The following SORL1 variants were observed in gnomAD, a reference collection of about 807,000 sequenced individuals.
SORL1 encodes sortilin-related receptor.
Under a neutral mutation model 273.7 loss-of-function variants are expected in SORL1, and 127 were observed. The observed-to-expected ratio is 0.46, with a 90% CI of 0.40 to 0.54. The LOEUF (loss-of-function observed/expected upper bound fraction) is 0.54, where lower values mean the gene tolerates loss of function less well. SORL1 is among the 20% of genes least tolerant of loss of function. The pLI, the probability that SORL1 is intolerant of heterozygous loss-of-function variation, is 0.00. For synonymous variants in SORL1, 1,031 were observed against 1,067.4 expected, an observed-to-expected ratio of 0.97 and a Z score of 0.66; for missense variants, 2,494 against 2,846.1, an observed-to-expected ratio of 0.88 and a Z score of 2.81.
At chr11:121,533,390 C>T (rs1006232436) in intron 12 of SORL1, among the ~76,000 whole-genome samples, 2 of 152,106 alleles carry the variant, frequency 1.3e-5, no homozygotes, top group Non-Finnish European at 2.9e-5. Context: ...TTGGGTTTTT[C>T]GATTGCGTCC....
rs550154439 is a variant in SORL1 at position 121,479,658 on chromosome 11, C to T, written c.528+1415C>T. 3.9e-5 allele frequency among the ~76,000 whole-genome samples: 6 copies of T among 152,186 alleles called. No individual in the cohort carries two copies. In the South Asian group the frequency reaches 1.2e-3, roughly 32 times the overall value. ...CAGGGAGATCCTGGGGAAGGGACCA[C>T]GCCATGGGAAGTGTTGTGGGGTAGG... is the stretch of plus-strand genomic sequence containing the variant. On this transcript the variant is annotated intron_variant, in intron 3 of 47. Coordinates refer to ENST00000260197, the MANE Select transcript of SORL1 (RefSeq NM_003105.6).
chr11:121,463,655 C>A (rs543271606), intron 1 of SORL1, among the ~76,000 whole-genome samples: 13 of 152,318 alleles, frequency 8.5e-5, no homozygotes, highest in African/African-American at 2.9e-4. Context: ...GGAAAATGGG[C>A]AGCCTGAATT....
In SORL1 at chr11:121,514,174, C is replaced by T; in HGVS notation, c.1064C>T (p.Ser355Phe). Residue 355 changes from serine to phenylalanine, a missense_variant, in exon 8 of 48, where the codon TCC becomes TTC. Coordinates refer to ENST00000260197, the MANE Select transcript of SORL1 (RefSeq NM_003105.6). ...PINEYYIADA[S>F]EDQVFVCVSH... ...AAGGAATATTACATCGCAGATGCCT[C>T]CGAGGACCAGGTGTTTGTGTGTGTC... 1 of 1,613,790 alleles carries T rather than the reference C, an allele frequency of 6.2e-7. No individual in the cohort carries two copies. The highest frequency in any genetic ancestry group is 2.2e-5 in the East Asian group (1 of 44,886).
chr11:121,576,940 T>G (rs1418109257), intron 24 of SORL1: 14 of 1,533,564 alleles, frequency 9.1e-6, no homozygotes, highest in South Asian at 1.2e-5. Context: ...TGGCCTCCTC[T>G]ATCACTGCTT....
chr11:121,612,981 A>T, intron 40 of SORL1, 149 bp downstream of exon 40: 1 of 612,464 alleles, frequency 1.6e-6, no homozygotes, highest in Non-Finnish European at 3.0e-6. Flanking sequence ...TGCATTGAGG[A>T]TCCTATAAGT....
At chr11:121,463,438 C>T (rs1455894703) in intron 1 of SORL1, among the ~76,000 whole-genome samples, 1 of 152,092 alleles carries the variant, frequency 6.6e-6, no homozygotes. Context: ...GATAGGTTCT[C>T]GCTGCCAAGG....
Position 121,455,475 on chromosome 11 carries a change from T to C in SORL1, c.285+2859T>C, listed in dbSNP as rs1860887418. Among the ~76,000 whole-genome samples, 3 of 152,328 alleles carry C rather than the reference T, an allele frequency of 2.0e-5. No homozygotes were observed. In the South Asian group the frequency reaches 6.2e-4, roughly 32 times the overall value. ...AGGGAGAAGAGAAGGGAAGGCTTTC[T>C]AGGGGAATACTTGCATCTGAGAAAG... On this transcript the variant is annotated intron_variant, in intron 1 of 47. Transcript: ENST00000260197.
intron 1 of SORL1, among the ~76,000 whole-genome samples, chr11:121,463,081 T>C (rs2134771684): frequency 6.6e-6 from 1 of 152,258 alleles, no homozygotes; most frequent in Middle Eastern, 3.4e-3. Flanking sequence ...GTGCGCTCTC[T>C]TGAGGGGGTA....
intron 22 of SORL1, among the ~76,000 whole-genome samples, chr11:121,569,187 T>G (rs1023831893): frequency 1.3e-5 from 2 of 152,212 alleles, no homozygotes; most frequent in African/African-American, 4.8e-5. Flanking sequence ...TTTAATCTCT[T>G]AATCCCGTCA....
intron 38 of SORL1, chr11:121,609,465 A>G (rs926913172): frequency 5.9e-5 from 9 of 152,240 alleles, no homozygotes; most frequent in Non-Finnish European, 1.3e-4. Context: ...TGGAAGAGCA[A>G]CCAAATACAT....
Position 121,614,933 on chromosome 11 carries a change from G to GATAGCCCTCTGGCATTTGAGC in SORL1, c.5485_5505dup (p.Ser1829_His1835dup), listed in dbSNP as rs779587140. On this transcript the variant is annotated inframe_insertion, in exon 41 of 48. Coordinates refer to ENST00000260197, the MANE Select transcript of SORL1 (RefSeq NM_003105.6). ...TGCCTGGGCCAAGACTGACTTGGGGGATAGCCCTCTGGCATTTGAGCATGT... is the reference window on the plus strand; with the variant it reads ...TGCCTGGGCCAAGACTGACTTGGGGGATAGCCCTCTGGCATTTGAGCATAGCCCTCTGGCATTTGAGCATGT... 1 of 1,613,398 alleles carries GATAGCCCTCTGGCATTTGAGC rather than the reference G, an allele frequency of 6.2e-7. No individual in the cohort carries two copies. The highest frequency in any genetic ancestry group is 1.1e-5 in the South Asian group (1 of 90,904).
chr11:121,625,178 AT>A lies in SORL1; in HGVS notation c.6266del (p.Met2089ArgfsTer58). 1 of 1,613,886 alleles carries A rather than the reference AT, an allele frequency of 6.2e-7. No homozygotes were observed. Among genetic ancestry groups the A allele is most frequent in the Non-Finnish European group, 8.5e-7 (1 of 1,179,808 alleles). Reference protein sequence around the residue: ...DNFFKISNLKMGHNYTFTVQA... With the variant: ...DNFFKISNLKXGHNYTFTVQA... ...TTTCTTTAAAATTTCCAACCTGAAG[AT>A]GGGTCATAATTACACGTTCACCGTC... is the stretch of plus-strand genomic sequence containing the variant. On this transcript the variant is annotated frameshift_variant, in exon 46 of 48. Transcript: ENST00000260197. LOFTEE classifies it high-confidence loss of function.
chr11:121,517,474 A>C (rs1861972496), intron 8 of SORL1, among the ~76,000 whole-genome samples: 1 of 152,246 alleles, frequency 6.6e-6, no homozygotes, highest in South Asian at 2.1e-4. Flanking sequence ...AAAATAATGA[A>C]TCACTATCCC....
chr11:121,464,832 G>T (rs1302772635), intron 1 of SORL1, among the ~76,000 whole-genome samples: 1 of 152,152 alleles, frequency 6.6e-6, no homozygotes, highest in East Asian at 1.9e-4. Context: ...TGAAGGATTG[G>T]TTTGGCCAGA....
chr11:121,500,072 T>C (rs1861689459), intron 6 of SORL1, among the ~76,000 whole-genome samples: 1 of 152,240 alleles, frequency 6.6e-6, no homozygotes, highest in Admixed American at 6.5e-5. Context: ...TTTTTATTCC[T>C]TGCTTTTTGA....
intron 11 of SORL1, among the ~76,000 whole-genome samples, chr11:121,526,270 C>G (rs1219154708): frequency 6.6e-6 from 1 of 151,934 alleles, no homozygotes; most frequent in African/African-American, 2.4e-5. Context: ...CATATATGGG[C>G]CAATTTTAGG....
chr11:121,594,115 ATT>A lies in SORL1; in HGVS notation c.4370-1496_4370-1495del, dbSNP rs11361113. Among the ~76,000 whole-genome samples, 449 of 146,950 alleles carry A rather than the reference ATT, an allele frequency of 3.1e-3. 1 individual carries two copies. The highest frequency in any genetic ancestry group is 0.016 in the South Asian group (76 of 4,682). ...AAATCCAAAAGCCATTTTGATTCTG[ATT>A]TTTTTTTTTTTGTATGTAACCTGTT... On this transcript the variant is annotated intron_variant, in intron 31 of 47. Transcript: ENST00000260197.
chr11:121,531,293 T>C (rs59206197), intron 11 of SORL1, among the ~76,000 whole-genome samples: 4,397 of 152,028 alleles, frequency 0.029, 216 homozygotes, highest in African/African-American at 0.1. Flanking sequence ...ACTTGGGAGG[T>C]TGAAGCAGGA....
intron 8 of SORL1, among the ~76,000 whole-genome samples, chr11:121,518,922 A>G (rs1861992641): frequency 6.7e-6 from 1 of 149,902 alleles, no homozygotes; most frequent in African/African-American, 2.4e-5. Context: ...CCTGAAGTAA[A>G]GGGCAAGCTT....
Sources: gnomAD v4.1 joint callset for allele counts (sites outside exome capture counted in the v4.1 genomes callset) on GRCh38, gnomAD v4.1.1 for gene constraint, MANE v1.5 for transcripts, NCBI Gene and HGNC (gene_info 2026-07-23, HGNC 2026-07-21) for gene names.